The following MYCBP2 variants were observed in gnomAD, a reference collection of about 807,000 sequenced individuals.
MYCBP2 encodes MYC binding protein 2.
In MYCBP2, 120 loss-of-function variants were observed where a neutral mutation model predicts 525.3. That is an observed-to-expected ratio of 0.23 (90% confidence interval 0.20 to 0.27). The LOEUF (loss-of-function observed/expected upper bound fraction) is 0.27. Among genes scored for constraint, MYCBP2 ranks in the 10% least tolerant of loss-of-function variants. The pLI is 1.00. For synonymous variants in MYCBP2, 1,894 were observed against 1,955.8 expected (o/e 0.97, Z 0.83); for missense variants, 4,149 against 5,657.1 (o/e 0.73, Z 8.55).
At chr13:77,324,301 A>C (rs2082041157) in intron 1 of MYCBP2, among the ~76,000 whole-genome samples, 2 of 152,068 alleles carry the variant, frequency 1.3e-5, no homozygotes, top group South Asian at 2.1e-4. Context: ...TTTCTCTCAC[A>C]CCTTTAAACC....
intron 1 of MYCBP2, among the ~76,000 whole-genome samples, chr13:77,304,620 A>G (rs1594796593): frequency 6.6e-6 from 1 of 152,196 alleles, no homozygotes; most frequent in Non-Finnish European, 1.5e-5. Flanking sequence ...GTCTCATGAC[A>G]AAGAAATGAT....
At chr13:77,107,372 C>T (rs2048010122) in intron 55 of MYCBP2, among the ~76,000 whole-genome samples, 1 of 152,056 alleles carries the variant, frequency 6.6e-6, no homozygotes, top group South Asian at 2.1e-4. Context: ...ATTAATCAAA[C>T]AATATGCAGA....
chr13:77,293,741 G>A (rs185446413), intron 2 of MYCBP2, among the ~76,000 whole-genome samples: 2 of 152,096 alleles, frequency 1.3e-5, no homozygotes, highest in Admixed American at 6.5e-5. Flanking sequence ...TCAACCAACC[G>A]CCACTGGCTT....
At chr13:77,057,930 T>C (rs2038476312) in intron 78 of MYCBP2, among the ~76,000 whole-genome samples, 1 of 149,446 alleles carries the variant, frequency 6.7e-6, no homozygotes, top group Admixed American at 6.7e-5. Flanking sequence ...CTCCGTCTCC[T>C]GGCTTCATGC....
At chr13:77,218,762 C>T (rs927429303) in intron 20 of MYCBP2, among the ~76,000 whole-genome samples, 2 of 152,104 alleles carry the variant, frequency 1.3e-5, no homozygotes, top group Admixed American at 1.3e-4. Context: ...CTTTTAACAG[C>T]CATTTTTAGT....
intron 17 of MYCBP2, among the ~76,000 whole-genome samples, chr13:77,242,778 T>C (rs947483660): frequency 3.9e-5 from 6 of 152,238 alleles, no homozygotes; most frequent in Non-Finnish European, 5.9e-5. Context: ...TTATTGATAG[T>C]AGGCAGATGG....
intron 15 of MYCBP2, among the ~76,000 whole-genome samples, chr13:77,247,077 C>G (rs1181877011): frequency 6.6e-6 from 1 of 152,088 alleles, no homozygotes; most frequent in East Asian, 1.9e-4. Context: ...TCACTTTGAC[C>G]AATCCTAAAC....
At chr13:77,047,025 G>A (rs1428617426) in intron 82 of MYCBP2, among the ~76,000 whole-genome samples, 2 of 152,082 alleles carry the variant, frequency 1.3e-5, no homozygotes, top group Non-Finnish European at 2.9e-5. Context: ...AGGAAAAAAT[G>A]AGTCATTTAC....
rs759775742 is a variant in MYCBP2, at chr13:77,126,242, C to A, written c.7884+76G>T. On this transcript the variant is annotated intron_variant, in intron 53 of 82. Coordinates refer to ENST00000544440, the MANE Select transcript of MYCBP2 (RefSeq NM_015057.5). Reference sequence around the variant, plus strand: ...AAAAACCTGTGGTAGAAATGGCAACCTTTAGAAGAGATGCTTTGGTTGTAT... The same window carrying A: ...AAAAACCTGTGGTAGAAATGGCAACATTTAGAAGAGATGCTTTGGTTGTAT... 1.4e-4 allele frequency: 190 copies of A among 1,311,218 alleles called. 1 individual carries two copies. The Admixed American group carries it at 2.0e-3, about 14-fold the overall frequency. 81.2% of individuals were successfully genotyped at this position (1,311,218 alleles called of 1,614,324 possible). A position where few individuals can be genotyped will look rare whatever the true frequency, so the allele number is the denominator to read the frequency against.
At chr13:77,295,247 C>T (rs2078048862) in intron 2 of MYCBP2, among the ~76,000 whole-genome samples, 1 of 152,200 alleles carries the variant, frequency 6.6e-6, no homozygotes, top group South Asian at 2.1e-4. Flanking sequence ...CAATCTCCTG[C>T]CTCAGCCTCC....
chr13:77,158,492 G>A (rs2057478839), intron 44 of MYCBP2, among the ~76,000 whole-genome samples: 1 of 152,134 alleles, frequency 6.6e-6, no homozygotes, highest in Non-Finnish European at 1.5e-5. Context: ...TGCCACCCAG[G>A]AGTACAGTGG....
intron 26 of MYCBP2, among the ~76,000 whole-genome samples, chr13:77,197,187 G>A (rs1041742695): frequency 2.0e-5 from 3 of 152,080 alleles, no homozygotes; most frequent in Non-Finnish European, 4.4e-5. Context: ...TCAGTGGTGG[G>A]GGCAAAAATC....
At position 77,295,760 on chromosome 13, in the gene MYCBP2, A is replaced by G. The variant is rs138366975; in HGVS notation, c.378+839T>C. 3.3e-5 allele frequency among the ~76,000 whole-genome samples: 5 copies of G among 152,336 alleles called. 1 individual carries two copies. Among genetic ancestry groups the G allele is most frequent in the African/African-American group, 1.2e-4 (5 of 41,574 alleles). On this transcript the variant is annotated intron_variant, in intron 2 of 82. Coordinates refer to ENST00000544440, the MANE Select transcript of MYCBP2 (RefSeq NM_015057.5). ...TGGTCACTGAAAATGTTCAGTATAA[A>G]AAAGATGGATTTTATAGAGATCTCT...
chr13:77,243,700 T>G (rs2069315247), intron 16 of MYCBP2, 106 bp downstream of exon 16: 18 of 978,266 alleles, frequency 1.8e-5, no homozygotes, highest in Non-Finnish European at 2.6e-5. Context: ...ATACATTAAT[T>G]ATTATCCTAA....
At chr13:77,218,038 G>A (rs2065063013) in intron 20 of MYCBP2, 81 bp from the exon 21 acceptor site, 3 of 906,836 alleles carry the variant, frequency 3.3e-6, no homozygotes, top group Non-Finnish European at 5.1e-6. Context: ...AATGCAACAA[G>A]GAGTAGGAAA....
chr13:77,203,218 T>C (rs943708880), intron 26 of MYCBP2, among the ~76,000 whole-genome samples: 4 of 152,288 alleles, frequency 2.6e-5, no homozygotes, highest in African/African-American at 9.6e-5. Context: ...AAAATCAATG[T>C]ACAAAAATCA....
At chr13:77,205,808 AC>A (rs1342503790) in intron 24 of MYCBP2, among the ~76,000 whole-genome samples, 1 of 152,170 alleles carries the variant, frequency 6.6e-6, no homozygotes, top group African/African-American at 2.4e-5. Flanking sequence ...CCATACGACA[AC>A]CTTTTACACA....
At chr13:77,261,129 G>A in intron 12 of MYCBP2, 42 bp downstream of exon 12, 6 of 1,469,914 alleles carry the variant, frequency 4.1e-6, no homozygotes, top group Non-Finnish European at 5.6e-6. Context: ...CTAAAATAAA[G>A]CATTTATTTT....
chr13:77,127,772 T>G (rs1234781425), intron 52 of MYCBP2, among the ~76,000 whole-genome samples: 2 of 151,850 alleles, frequency 1.3e-5, no homozygotes, highest in Non-Finnish European at 1.5e-5. Flanking sequence ...AATCCTCAGG[T>G]TTAAAAATAT....
Sources: allele counts gnomAD v4.1 joint callset (sites outside exome capture counted in the v4.1 genomes callset), GRCh38; gene constraint gnomAD v4.1.1; transcripts MANE v1.5; gene names NCBI Gene and HGNC (gene_info 2026-07-23, HGNC 2026-07-21).